TENM2: variants seen among roughly 807,000 people sequenced by gnomAD.
The protein encoded by TENM2 is teneurin transmembrane protein 2.
A neutral mutation model predicts 245.2 loss-of-function variants in TENM2; 52 were observed. That is an observed-to-expected ratio of 0.21 (90% confidence interval 0.17 to 0.27). TENM2 has a LOEUF of 0.27. Among genes scored for constraint, TENM2 ranks in the 10% least tolerant of loss-of-function variants. TENM2 has a pLI of 1.00. For synonymous variants in TENM2, 1,363 were observed against 1,438.9 expected (o/e 0.95, Z 1.19); for missense variants, 3,046 against 3,666.8 (o/e 0.83, Z 4.37).
chr5:167,431,643 C>T (rs1764226329), intron 2 of TENM2, among the ~76,000 whole-genome samples: 1 of 151,820 alleles, frequency 6.6e-6, no homozygotes, highest in Admixed American at 6.6e-5. Context: ...ACTTCCCTAT[C>T]TACATCTATC....
intron 2 of TENM2, among the ~76,000 whole-genome samples, chr5:167,633,986 A>G (rs770454719): frequency 1.4e-4 from 21 of 152,146 alleles, no homozygotes; most frequent in Non-Finnish European, 2.9e-4. Flanking sequence ...TTGTTTCTGT[A>G]TTATGAATAC....
chr5:168,254,918 G>A (rs1051580667), intron 27 of TENM2, among the ~76,000 whole-genome samples: 3 of 151,946 alleles, frequency 2.0e-5, no homozygotes, highest in African/African-American at 4.8e-5. Flanking sequence ...ATGGTGGTGC[G>A]TGCCTGTGAT....
chr5:167,809,398 G>C (rs1766464215), intron 2 of TENM2, among the ~76,000 whole-genome samples: 1 of 152,088 alleles, frequency 6.6e-6, no homozygotes. Flanking sequence ...GAGTGAAAAT[G>C]GCTCTCATTA....
At chr5:168,158,807 A>ATGTGTG (rs371329253) in intron 12 of TENM2, among the ~76,000 whole-genome samples, 95 of 80,466 alleles carry the variant, frequency 1.2e-3, no homozygotes, top group African/African-American at 5.3e-3. Flanking sequence ...TAAAAAAAAA[A>ATGTGTG]TGTGTGTGTG....
At chr5:167,172,843 CTTTCATT>C in the TENM2 span, among the ~76,000 whole-genome samples, 3 of 152,076 alleles carry the variant, frequency 2.0e-5, no homozygotes, top group East Asian at 5.8e-4. Context: ...CTCAAATGAG[CTTTCATT>C]TTTTAAACGT....
the TENM2 span, among the ~76,000 whole-genome samples, chr5:167,020,471 C>T: frequency 3.9e-5 from 6 of 152,142 alleles, no homozygotes; most frequent in African/African-American, 9.7e-5. Context: ...CTACTATACC[C>T]GACTGGGTAG....
At position 167,368,795 on chromosome 5, in the gene TENM2, C is replaced by T. The variant is rs889729524; in HGVS notation, c.227-6403C>T. Among the ~76,000 whole-genome samples, 3 of 151,964 alleles carry T rather than the reference C, an allele frequency of 2.0e-5. No homozygotes were observed. In the South Asian group the frequency reaches 6.2e-4, roughly 32 times the overall value. The stretch of plus-strand genomic sequence containing the variant: ...GCAGAGTTGAGATTTTAGAACCCTC[C>T]CCTACCCCCACCCCAGGCCTCTGCT... On this transcript the variant is annotated intron_variant, in intron 1 of 28. Coordinates refer to ENST00000518659, the Ensembl canonical transcript of TENM2.
chr5:168,258,268 G>A (rs888974969), intron 27 of TENM2, among the ~76,000 whole-genome samples: 4 of 152,004 alleles, frequency 2.6e-5, no homozygotes, highest in Non-Finnish European at 5.9e-5. Context: ...TTGGGAGGCC[G>A]AGGCGGGCAG....
chr5:168,261,992 T>C (rs906522624), intron 28 of TENM2, 57 bp from the exon 31 acceptor site: 5 of 1,548,922 alleles, frequency 3.2e-6, no homozygotes, highest in Admixed American at 3.6e-5. Context: ...TGTGACTCTT[T>C]TTGAGAGAGC....
At chr5:167,133,726 A>G in the TENM2 span, among the ~76,000 whole-genome samples, 1 of 151,888 alleles carries the variant, frequency 6.6e-6, no homozygotes, top group South Asian at 2.1e-4. Context: ...CACCCTCAGC[A>G]GACTGAATTT....
intron 2 of TENM2, among the ~76,000 whole-genome samples, chr5:167,858,395 G>C (rs923754217): frequency 6.6e-6 from 1 of 152,196 alleles, no homozygotes; most frequent in African/African-American, 2.4e-5. Context: ...TTGCCCACAT[G>C]AACATGTTTG....
chr5:167,084,327 TTATATATATATATATATATATA>T, the TENM2 span, among the ~76,000 whole-genome samples: 170 of 23,180 alleles, frequency 7.3e-3, 11 homozygotes, highest in East Asian at 0.059. Flanking sequence ...GCCATTTTAG[TTATATATATATATATATATATA>T]TATATATATA....
At chr5:167,735,107 T>C (rs954167736) in intron 2 of TENM2, among the ~76,000 whole-genome samples, 1 of 152,190 alleles carries the variant, frequency 6.6e-6, no homozygotes, top group African/African-American at 2.4e-5. Flanking sequence ...AAAATAATAC[T>C]AACAAGCAAA....
At chr5:166,979,458 G>C in the TENM2 span, among the ~76,000 whole-genome samples, 1 of 152,130 alleles carries the variant, frequency 6.6e-6, no homozygotes, top group Non-Finnish European at 1.5e-5. Context: ...AGCTGGGACC[G>C]AAGACTCTAG....
At chr5:167,335,248 A>G (rs997801155) in intron 1 of TENM2, among the ~76,000 whole-genome samples, 7 of 152,150 alleles carry the variant, frequency 4.6e-5, no homozygotes, top group African/African-American at 1.7e-4. Flanking sequence ...GGTGCCACAC[A>G]TTTTAAAATG....
At chr5:167,026,997 G>T in the TENM2 span, among the ~76,000 whole-genome samples, 1 of 152,068 alleles carries the variant, frequency 6.6e-6, no homozygotes, top group African/African-American at 2.4e-5. Context: ...GGAAGCAAAA[G>T]AACAGATACC....
intron 2 of TENM2, among the ~76,000 whole-genome samples, chr5:167,467,384 T>G (rs966472935): frequency 1.4e-4 from 21 of 152,110 alleles, no homozygotes; most frequent in African/African-American, 5.1e-4. Context: ...AAACCTCCTT[T>G]GCTTATAAAT....
intron 1 of TENM2, among the ~76,000 whole-genome samples, chr5:167,351,957 T>A (rs1452804053): frequency 6.6e-6 from 1 of 152,228 alleles, no homozygotes; most frequent in Admixed American, 6.5e-5. Context: ...CTCTCTCTCC[T>A]GTTTTATTTT....
chr5:167,734,802 G>C (rs1292129951), intron 2 of TENM2, among the ~76,000 whole-genome samples: 1 of 152,126 alleles, frequency 6.6e-6, no homozygotes, highest in African/African-American at 2.4e-5. Context: ...CAGCAGAGGT[G>C]ATTATAAATA....
Sources: allele counts gnomAD v4.1 joint callset (sites outside exome capture counted in the v4.1 genomes callset), GRCh38; gene constraint gnomAD v4.1.1; transcripts MANE v1.5; gene names NCBI Gene and HGNC (gene_info 2026-07-23, HGNC 2026-07-21).